Variants in CAP2 observed in about 807,000 individuals in gnomAD.
CAP2 encodes the protein adenylyl cyclase-associated protein 2.
In CAP2, 24 loss-of-function variants were observed where a neutral mutation model predicts 57.7. The ratio of observed to expected loss-of-function variants is 0.42; its 90% CI spans 0.30 to 0.58. CAP2 has a LOEUF of 0.58. CAP2 is among the 20% of genes least tolerant of loss of function. The pLI is 0.22. For missense variants in CAP2, 501 were observed against 590.3 expected (o/e 0.85, Z 1.57); for synonymous variants, 194 against 207.2 (o/e 0.94, Z 0.55).
chr6:17,552,932 A>G (rs1206784222), intron 12 of CAP2, among the ~76,000 whole-genome samples: 2 of 148,478 alleles, frequency 1.3e-5, no homozygotes, highest in African/African-American at 4.9e-5. Context: ...ATTTCAGTTT[A>G]AAAAAACAAA....
chr6:17,531,419 A>G lies in CAP2; in HGVS notation c.637-7850A>G, dbSNP rs1026484223. 216 of 1,593,952 alleles carry G rather than the reference A, an allele frequency of 1.4e-4. No individual in the cohort carries two copies. In the African/African-American group the frequency reaches 2.5e-3, roughly 19 times the overall value. On this transcript the variant is annotated intron_variant, in intron 7 of 12. Transcript: ENST00000229922. Reference sequence around the variant, plus strand: ...ATAGAAGTTGCCAGCTTTTCTTGCCATCCTCGCCATTTGAATTTCAGTTCT... The same window carrying G: ...ATAGAAGTTGCCAGCTTTTCTTGCCGTCCTCGCCATTTGAATTTCAGTTCT...
chr6:17,446,063 A>T (rs902254413), intron 3 of CAP2, among the ~76,000 whole-genome samples: 6 of 152,210 alleles, frequency 3.9e-5, no homozygotes, highest in Admixed American at 2.6e-4. Flanking sequence ...TCATTTTTCT[A>T]GTACTGCATT....
At chr6:17,496,029 G>GCGGGGA (rs1554127011) in intron 4 of CAP2, among the ~76,000 whole-genome samples, 1 of 125,750 alleles carries the variant, frequency 8.0e-6, no homozygotes, top group Non-Finnish European at 1.7e-5. Context: ...TGTGTGGGTG[G>GCGGGGA]GGGGGGGGGG....
At chr6:17,421,425 T>C in intron 1 of CAP2, 130 bp from the exon 2 acceptor site, 2 of 923,160 alleles carry the variant, frequency 2.2e-6, no homozygotes, top group East Asian at 2.5e-5. Context: ...AATTTCATGG[T>C]TAAAAAATAA....
intron 4 of CAP2, among the ~76,000 whole-genome samples, chr6:17,503,062 C>T (rs1027661008): frequency 5.3e-5 from 8 of 152,070 alleles, no homozygotes; most frequent in African/African-American, 1.9e-4. Flanking sequence ...TATTTGGGGC[C>T]AGGAGTGTTT....
chr6:17,434,231 C>CTTT (rs1219210615), intron 3 of CAP2, among the ~76,000 whole-genome samples: 28 of 137,144 alleles, frequency 2.0e-4, no homozygotes, highest in African/African-American at 8.2e-4. Flanking sequence ...CTCTTTTTTT[C>CTTT]TTTCTTTTTT....
chr6:17,511,478 G>A (rs546898279), intron 6 of CAP2, among the ~76,000 whole-genome samples: 37 of 152,142 alleles, frequency 2.4e-4, no homozygotes, highest in Non-Finnish European at 4.6e-4. Flanking sequence ...TTGATACAGA[G>A]TCTCGCTCTG....
Position 17,537,242 on chromosome 6 carries a change from A to C in CAP2, c.637-2027A>C, listed in dbSNP as rs555588133. Among the ~76,000 whole-genome samples the C allele has an allele frequency of 9.9e-5, 15 of 152,100 alleles. No individual in the cohort carries two copies. In the South Asian group the frequency reaches 3.1e-3, roughly 32 times the overall value. Reference sequence around the variant, plus strand: ...CTCTCTGTTTTCCAGGCTGGGGTACAGTGGCGTGATCTCAACTCACTGCAA... The same window carrying C: ...CTCTCTGTTTTCCAGGCTGGGGTACCGTGGCGTGATCTCAACTCACTGCAA... On this transcript the variant is annotated intron_variant, in intron 7 of 12. Transcript: ENST00000229922.
At chr6:17,442,658 G>T (rs375038164) in intron 3 of CAP2, among the ~76,000 whole-genome samples, 2 of 152,012 alleles carry the variant, frequency 1.3e-5, no homozygotes, top group Admixed American at 1.3e-4. Flanking sequence ...GAGGCCAAGT[G>T]GGGGGAATTG....
At position 17,509,861 on chromosome 6, in the gene CAP2, C is replaced by T. The variant is rs191235951; in HGVS notation, c.530+2135C>T. Among the ~76,000 whole-genome samples the T allele has an allele frequency of 7.9e-5, 12 of 152,062 alleles. No homozygotes were observed. In the East Asian group the frequency reaches 2.1e-3, roughly 27 times the overall value. Reference sequence around the variant, plus strand: ...GGATAAATAAAACATGGTATATCCACACAATAGAATATTATTTGGCCATAA... The same window carrying T: ...GGATAAATAAAACATGGTATATCCATACAATAGAATATTATTTGGCCATAA... On this transcript the variant is annotated intron_variant, in intron 6 of 12. Coordinates refer to ENST00000229922, the MANE Select transcript of CAP2 (RefSeq NM_006366.3).
chr6:17,406,264 G>A (rs951233685), intron 1 of CAP2, among the ~76,000 whole-genome samples: 3 of 152,058 alleles, frequency 2.0e-5, no homozygotes, highest in African/African-American at 4.8e-5. Context: ...TTATGCTGCT[G>A]TAGAGTTCTC....
chr6:17,437,987 A>G (rs1258029008), intron 3 of CAP2, among the ~76,000 whole-genome samples: 2 of 152,184 alleles, frequency 1.3e-5, no homozygotes, highest in Admixed American at 1.3e-4. Context: ...TTTGTAGAGA[A>G]CTTTACATGT....
chr6:17,479,907 G>A (rs576340171), intron 4 of CAP2, among the ~76,000 whole-genome samples: 54 of 151,932 alleles, frequency 3.6e-4, no homozygotes, highest in African/African-American at 1.1e-3. Flanking sequence ...GAGCCACCGC[G>A]CCCAGCTTAA....
intron 3 of CAP2, among the ~76,000 whole-genome samples, chr6:17,434,462 C>T (rs543019583): frequency 6.0e-4 from 92 of 152,284 alleles, no homozygotes; most frequent in Non-Finnish European, 1.0e-3. Flanking sequence ...TTCCTGACCT[C>T]AAGTGATCCA....
intron 1 of CAP2, among the ~76,000 whole-genome samples, chr6:17,411,665 T>G (rs1759144397): frequency 6.6e-6 from 1 of 152,230 alleles, no homozygotes; most frequent in South Asian, 2.1e-4. Context: ...GTGTAAAAGT[T>G]TTTTTATATA....
At chr6:17,412,525 A>G (rs1422115386) in intron 1 of CAP2, among the ~76,000 whole-genome samples, 3 of 152,164 alleles carry the variant, frequency 2.0e-5, no homozygotes, top group African/African-American at 7.2e-5. Flanking sequence ...TCTAATCCCC[A>G]GAGTTCTTTT....
chr6:17,541,497 T>C (rs756946839), intron 9 of CAP2, among the ~76,000 whole-genome samples: 4 of 151,978 alleles, frequency 2.6e-5, no homozygotes, highest in African/African-American at 4.8e-5. Flanking sequence ...GGAGAATCAC[T>C]TGAACCCGAG....
chr6:17,395,426 A>C lies in CAP2; in HGVS notation c.-2+1680A>C, dbSNP rs144120244. 9.5e-3 allele frequency among the ~76,000 whole-genome samples: 1,447 copies of C among 152,340 alleles called. 24 individuals are homozygous for C. Among genetic ancestry groups the C allele is most frequent in the African/African-American group, 0.033 (1,365 of 41,582 alleles). On this transcript the variant is annotated intron_variant, in intron 1 of 12. Transcript: ENST00000229922. ...TTCTGTTTTTTTCCAGGCATTAAAA[A>C]ATGTAAAAACTATTCTTAGCTTGAG...
chr6:17,547,677 T>TA (rs1376845678), intron 11 of CAP2, among the ~76,000 whole-genome samples: 10 of 151,706 alleles, frequency 6.6e-5, no homozygotes, highest in Admixed American at 1.3e-4. Context: ...CTGTCTCTAC[T>TA]AAAAATACAA....
Sources: gnomAD v4.1 joint callset for allele counts (sites outside exome capture counted in the v4.1 genomes callset) on GRCh38, gnomAD v4.1.1 for gene constraint, MANE v1.5 for transcripts, NCBI Gene and HGNC (gene_info 2026-07-23, HGNC 2026-07-21) for gene names.